CLDN20: variants seen among roughly 807,000 people sequenced by gnomAD.
CLDN20 encodes the protein claudin 20, also known as claudin-20.
For missense variants in CLDN20, 258 were observed against 267.9 expected (o/e 0.96, Z 0.26); for synonymous variants, 104 against 103.6 (o/e 1.00, Z -0.03).
At chr6:155,266,834 G>A (rs953992566) in intron 1 of CLDN20, among the ~76,000 whole-genome samples, 114 of 111,412 alleles carry the variant, frequency 1.0e-3, no homozygotes, top group Admixed American at 1.2e-3. Context: ...GCGACAGAGC[G>A]AGACTCCGTC....
rs1785213712 is a variant in CLDN20, at chr6:155,276,308, C to T, written c.589C>T (p.Pro197Ser). The T allele has an allele frequency of 6.2e-7, 1 of 1,613,878 alleles. No homozygotes were observed. The highest frequency in any genetic ancestry group is 1.1e-5 in the South Asian group (1 of 91,080). The change falls in exon 2 of 2, where the codon CCC (proline) becomes TCC (serine). Residue 197 changes from proline to serine, a missense_variant. Physicochemically the swap from Pro to Ser is moderately conservative, Grantham distance 74. Transcript: ENST00000367165. ...KRNPEARLDP[P>S]TQQPISNTQL... Reference sequence around the variant, plus strand: ...GAATCCAGAAGCTAGACTCGACCCACCCACACAGCAGCCTATCTCTAACAC... The same window carrying T: ...GAATCCAGAAGCTAGACTCGACCCATCCACACAGCAGCCTATCTCTAACAC...
chr6:155,272,285 G>A (rs1472734524), intron 1 of CLDN20, among the ~76,000 whole-genome samples: 3 of 152,138 alleles, frequency 2.0e-5, no homozygotes, highest in African/African-American at 7.2e-5. Context: ...CAGTAAATCT[G>A]CTTTTAAATA....
intron 1 of CLDN20, among the ~76,000 whole-genome samples, chr6:155,270,956 C>T (rs142605388): frequency 1.2e-4 from 18 of 152,312 alleles, no homozygotes; most frequent in African/African-American, 3.1e-4. Flanking sequence ...AAGCTTACAA[C>T]GACTTAGAGA....
intron 1 of CLDN20, among the ~76,000 whole-genome samples, chr6:155,270,100 T>C (rs866845083): frequency 2.0e-5 from 3 of 152,188 alleles, no homozygotes; most frequent in Non-Finnish European, 4.4e-5. Context: ...CAAGGGATGT[T>C]GGGTATGGAA....
At chr6:155,271,348 C>A (rs1426199928) in intron 1 of CLDN20, among the ~76,000 whole-genome samples, 4 of 152,136 alleles carry the variant, frequency 2.6e-5, no homozygotes, top group African/African-American at 9.7e-5. Flanking sequence ...TGATCACAGT[C>A]TTATCTGATG....
intron 1 of CLDN20, among the ~76,000 whole-genome samples, chr6:155,271,700 G>A (rs144688204): frequency 6.6e-6 from 1 of 152,228 alleles, no homozygotes; most frequent in Non-Finnish European, 1.5e-5. Context: ...AAATATTTCA[G>A]ACCACATTCT....
At chr6:155,273,124 A>C (rs62427184) in intron 1 of CLDN20, among the ~76,000 whole-genome samples, 44,453 of 152,106 alleles carry the variant, frequency 0.29, 7,245 homozygotes, top group East Asian at 0.66. Context: ...CTAAAACCTA[A>C]ACTTGAAAGC....
chr6:155,272,449 AC>A (rs576068716), intron 1 of CLDN20, among the ~76,000 whole-genome samples: 2 of 151,872 alleles, frequency 1.3e-5, no homozygotes, highest in Non-Finnish European at 2.9e-5. Context: ...GAGAGTTTTC[AC>A]TGTAGACCAT....
chr6:155,264,569 T>C (rs1050722511), intron 1 of CLDN20, among the ~76,000 whole-genome samples: 1 of 152,238 alleles, frequency 6.6e-6, no homozygotes, highest in African/African-American at 2.4e-5. Context: ...TTTGTGTTAT[T>C]GTAACAATAT....
rs1391679184 is a variant in CLDN20 at position 155,276,253 on chromosome 6, C to A, written c.534C>A (p.Gly178=). Residue 178 remains glycine, a synonymous_variant, in exon 2 of 2, where the codon GGC becomes GGA. Transcript: ENST00000367165. ...CTGCAATGCTGTTGTTTATCTCTGGCATGATTTTCTGCACCTCCTGTATAA... is the reference window on the plus strand; with the variant it reads ...CTGCAATGCTGTTGTTTATCTCTGGAATGATTTTCTGCACCTCCTGTATAA... ...FISAMLLFIS[G]MIFCTSCIKR... is the part of the protein sequence containing the mutation. 3.1e-6 allele frequency: 5 copies of A among 1,614,092 alleles called. No individual in the cohort carries two copies. Among genetic ancestry groups the A allele is most frequent in the Non-Finnish European group, 4.2e-6 (5 of 1,180,024 alleles).
intron 1 of CLDN20, among the ~76,000 whole-genome samples, chr6:155,275,289 T>G (rs1279296463): frequency 1.3e-5 from 2 of 152,210 alleles, no homozygotes; most frequent in Admixed American, 1.3e-4. Context: ...AAATTCTTTA[T>G]CAGATACTAT....
intron 1 of CLDN20, 47 bp downstream of exon 1, chr6:155,264,335 T>TA (rs1784525571): frequency 1.3e-5 from 2 of 152,206 alleles, no homozygotes; most frequent in Admixed American, 1.3e-4. Flanking sequence ...ATGCCTGTGA[T>TA]ATGATAATTA....
At chr6:155,272,913 A>T (rs988038026) in intron 1 of CLDN20, among the ~76,000 whole-genome samples, 8 of 152,204 alleles carry the variant, frequency 5.3e-5, no homozygotes, top group African/African-American at 1.7e-4. Context: ...TAATGGGAAG[A>T]AAAGGATTAT....
At chr6:155,264,882 G>A (rs1431165819) in intron 1 of CLDN20, among the ~76,000 whole-genome samples, 5 of 152,162 alleles carry the variant, frequency 3.3e-5, no homozygotes, top group Admixed American at 6.6e-5. Context: ...AACAAGATGA[G>A]TCAGTGTCTC....
intron 1 of CLDN20, among the ~76,000 whole-genome samples, chr6:155,272,309 A>C (rs984989847): frequency 2.6e-5 from 4 of 152,230 alleles, no homozygotes; most frequent in Admixed American, 6.5e-5. Flanking sequence ...TTTTTGATAT[A>C]AATAAACCTT....
At chr6:155,267,593 A>AG (rs1381213276) in intron 1 of CLDN20, among the ~76,000 whole-genome samples, 1 of 152,210 alleles carries the variant, frequency 6.6e-6, no homozygotes, top group Non-Finnish European at 1.5e-5. Context: ...GAGTCACAGT[A>AG]GGTGGTCCCA....
intron 1 of CLDN20, among the ~76,000 whole-genome samples, chr6:155,274,703 T>C (rs1785087930): frequency 6.6e-6 from 1 of 152,208 alleles, no homozygotes; most frequent in Non-Finnish European, 1.5e-5. Flanking sequence ...AACTAGAACT[T>C]AGGGATAACC....
At chr6:155,274,179 T>C (rs1420590551) in intron 1 of CLDN20, among the ~76,000 whole-genome samples, 1 of 152,152 alleles carries the variant, frequency 6.6e-6, no homozygotes, top group Admixed American at 6.5e-5. Flanking sequence ...TTTTGTAAAA[T>C]ACATATGAAT....
In CLDN20 at chr6:155,264,144, C is replaced by T. The variant is rs2985700; in HGVS notation, c.-249C>T. ...GGGCTTGGGAGAGCCACTTCACTGT[C>T]GGGTAAAACAACGGAGCAAGATGAG... is the stretch of plus-strand genomic sequence containing the variant. On this transcript the variant is annotated 5_prime_UTR_variant, in exon 1 of 2. Coordinates refer to ENST00000367165, the MANE Select transcript of CLDN20 (RefSeq NM_001001346.3). 0.52 allele frequency: 79,108 copies of T among 151,918 alleles called. 21,542 individuals carry two copies. The highest frequency in any genetic ancestry group is 0.97 in the East Asian group (5,021 of 5,160). The allele number at this position is 151,918 out of a possible 1,614,324, so 9.4% of individuals were successfully genotyped here. A position where few individuals can be genotyped will look rare whatever the true frequency, so the allele number is the denominator to read the frequency against.
Sources: gnomAD v4.1 joint callset for allele counts (sites outside exome capture counted in the v4.1 genomes callset) on GRCh38, gnomAD v4.1.1 for gene constraint, MANE v1.5 for transcripts, NCBI Gene and HGNC (gene_info 2026-07-23, HGNC 2026-07-21) for gene names.